The following ANK2 variants were observed in gnomAD, a reference collection of about 807,000 sequenced individuals.
ANK2 encodes ankyrin-2.
Under a neutral mutation model 360.5 loss-of-function variants are expected in ANK2, and 83 were observed. That is an observed-to-expected ratio of 0.23 (90% CI 0.19 to 0.28). The LOEUF (loss-of-function observed/expected upper bound fraction) is 0.28, where lower values mean the gene tolerates loss of function less well. Among genes scored for constraint, ANK2 ranks in the 10% least tolerant of loss-of-function variants. ANK2 has a pLI of 1.00. For synonymous variants in ANK2, 1,740 were observed against 1,759.5 expected (o/e 0.99, Z 0.28); for missense variants, 4,201 against 4,795.7 (o/e 0.88, Z 3.66).
rs2046911492 is a variant in ANK2 at position 112,991,729 on chromosome 4, G to A, written c.21+87215G>A. On this transcript the variant is annotated intron_variant, in intron 2 of 30. Coordinates refer to the ANK2 transcript ENST00000503271. Reference sequence around the variant, plus strand: ...CTCAACTGAACTCCTTCCCTTCTCAGTTTACCAGAAGCAGTCAGGAAAAAT... The same window carrying A: ...CTCAACTGAACTCCTTCCCTTCTCAATTTACCAGAAGCAGTCAGGAAAAAT... Among the ~76,000 whole-genome samples the A allele has an allele frequency of 2.0e-5, 3 of 147,126 alleles. No individual in the cohort carries two copies. In the South Asian group the frequency reaches 6.5e-4, roughly 32 times the overall value.
intron 2 of ANK2, among the ~76,000 whole-genome samples, chr4:112,928,676 C>T (rs1232139757): frequency 1.3e-5 from 2 of 152,022 alleles, no homozygotes; most frequent in Admixed American, 1.3e-4. Context: ...AGGACAAAGA[C>T]ACACACATGT....
chr4:112,874,112 C>T (rs191428003), intron 1 of ANK2, among the ~76,000 whole-genome samples: 4 of 136,400 alleles, frequency 2.9e-5, no homozygotes, highest in Non-Finnish European at 4.6e-5. Context: ...GTCAGAGTCT[C>T]GCACTGTCTC....
At position 113,367,608 on chromosome 4, in the gene ANK2, A is replaced by G; in HGVS notation, c.11075A>G (p.Lys3692Arg). 1 of 1,613,878 alleles carries G rather than the reference A, an allele frequency of 6.2e-7. No homozygotes were observed. Among genetic ancestry groups the G allele is most frequent in the South Asian group, 1.1e-5 (1 of 91,066 alleles). Residue 3692 changes from lysine (K) to arginine (R), a missense_variant, in exon 42 of 46, where the codon AAG becomes AGG. Coordinates refer to ENST00000357077, the MANE Select transcript of ANK2 (RefSeq NM_001148.6). ...LQEELCTAQH[K>R]QKEEQAVSKE... Reference sequence around the variant, plus strand: ...GAGGAGTTATGCACTGCACAGCACAAGCAGAAAGAGGAGCAAGCTGTTTCT... The same window carrying G: ...GAGGAGTTATGCACTGCACAGCACAGGCAGAAAGAGGAGCAAGCTGTTTCT...
intron 1 of ANK2, among the ~76,000 whole-genome samples, chr4:112,885,111 T>A (rs886768724): frequency 3.3e-5 from 5 of 152,196 alleles, no homozygotes; most frequent in Non-Finnish European, 7.3e-5. Flanking sequence ...GGGTTTTTGG[T>A]CTCAATACTT....
At chr4:113,099,711 A>C (rs973767062) in intron 1 of ANK2, among the ~76,000 whole-genome samples, 4 of 152,028 alleles carry the variant, frequency 2.6e-5, no homozygotes, top group Admixed American at 6.6e-5. Context: ...GACTGACACT[A>C]CCCAACTTAA....
At chr4:112,759,580 C>T in the ANK2 span, among the ~76,000 whole-genome samples, 142 of 152,232 alleles carry the variant, frequency 9.3e-4, no homozygotes, top group Non-Finnish European at 1.6e-3. Flanking sequence ...TGGTAAATTC[C>T]ATCTCAATAG....
At position 112,983,378 on chromosome 4, in the gene ANK2, TA is replaced by T. The variant is rs55756054; in HGVS notation, c.21+78878del. Among the ~76,000 whole-genome samples, 582 of 143,070 alleles carry T rather than the reference TA, an allele frequency of 4.1e-3. 1 individual carries two copies. Among genetic ancestry groups the T allele is most frequent in the Admixed American group, 3.7e-3 (53 of 14,234 alleles). 93.9% of individuals were successfully genotyped at this position (143,070 alleles called of 152,430 possible). ...GTATAGACTTCTAACATTATTGGGT[TA>T]AAAAAAAAAAAAAGAGGCCGGGCGC... is the stretch of plus-strand genomic sequence containing the variant. On this transcript the variant is annotated intron_variant, in intron 2 of 30. Transcript: ENST00000503271.
In ANK2 at chr4:113,367,810, C is replaced by A. The variant is rs747372236; in HGVS notation, c.11277C>A (p.Asp3759Glu). Residue 3759 changes from aspartate to glutamate, a missense_variant, in exon 42 of 46, where the codon GAC (aspartate) becomes GAA (glutamate). By Grantham distance (45) the Asp-to-Glu change is conservative (BLOSUM62 2). Transcript: ENST00000357077. ...VQQDFSGKMQ[D>E]LPEESSLEYQ... ...AGGATTTCTCAGGGAAAATGCAAGA[C>A]CTGCCTGAAGAGTCATCTCTGGAAT... is the stretch of plus-strand genomic sequence containing the variant. The A allele has an allele frequency of 1.2e-6, 2 of 1,614,088 alleles. No individual in the cohort carries two copies. The highest frequency in any genetic ancestry group is 1.7e-6 in the Non-Finnish European group (2 of 1,179,984).
intron 1 of ANK2, among the ~76,000 whole-genome samples, chr4:112,878,675 C>A (rs1302284740): frequency 2.0e-5 from 3 of 152,054 alleles, no homozygotes; most frequent in African/African-American, 7.3e-5. Context: ...GCTCTGTCGC[C>A]TAGGCTGGAG....
chr4:112,791,380 AG>A, the ANK2 span, among the ~76,000 whole-genome samples: 1 of 152,184 alleles, frequency 6.6e-6, no homozygotes, highest in Non-Finnish European at 1.5e-5. Context: ...ATTCGTAAAA[AG>A]GTTTCACCTT....
chr4:112,930,211 G>A (rs2093039490), intron 2 of ANK2, among the ~76,000 whole-genome samples: 1 of 151,994 alleles, frequency 6.6e-6, no homozygotes, highest in African/African-American at 2.4e-5. Context: ...TTTGGGGGCT[G>A]AGGCGGGCAG....
intron 24 of ANK2, 191 bp from the exon 25 acceptor site, chr4:113,317,516 G>A: frequency 1.6e-6 from 1 of 640,240 alleles, no homozygotes; most frequent in Non-Finnish European, 2.9e-6. Context: ...TGAGCGGTAG[G>A]AACCTGTCAA....
At chr4:112,977,923 C>A (rs1445298551) in intron 2 of ANK2, among the ~76,000 whole-genome samples, 1 of 152,070 alleles carries the variant, frequency 6.6e-6, no homozygotes, top group African/African-American at 2.4e-5. Flanking sequence ...AAATAAGATT[C>A]AGGCAAAAAA....
chr4:113,233,820 T>C (rs2153542496), intron 5 of ANK2, among the ~76,000 whole-genome samples: 1 of 152,328 alleles, frequency 6.6e-6, no homozygotes, highest in East Asian at 1.9e-4. Context: ...TTTTGAGTTC[T>C]CTATTCAATA....
intron 2 of ANK2, among the ~76,000 whole-genome samples, chr4:112,935,141 G>GTT: frequency 6.6e-6 from 1 of 152,238 alleles, no homozygotes; most frequent in East Asian, 1.9e-4. Context: ...GTGTGTGTGT[G>GTT]TGTGTAGGGT....
rs754354916 is a variant in ANK2 at position 113,359,071 on chromosome 4, G to A, written c.10453G>A (p.Ala3485Thr). 18 of 1,613,978 alleles carry A rather than the reference G, an allele frequency of 1.1e-5. No individual in the cohort carries two copies. In the African/African-American group the frequency reaches 2.3e-4, roughly 20 times the overall value. The part of the protein sequence containing the change: ...IEFFEEISDE[A>T]SKLVDRLTQS... The stretch of plus-strand genomic sequence containing the variant: ...ATTCTTTGAGGAGATTAGTGATGAG[G>A]CTTCCAAATTAGTGGATAGGCTGAC... Residue 3485 changes from alanine to threonine, a missense_variant, in exon 38 of 46, where the codon GCT (alanine) becomes ACT (threonine). Coordinates refer to ENST00000357077, the MANE Select transcript of ANK2 (RefSeq NM_001148.6).
chr4:113,359,727 C>A (rs562830355), intron 38 of ANK2, among the ~76,000 whole-genome samples: 6 of 152,242 alleles, frequency 3.9e-5, no homozygotes, highest in Non-Finnish European at 8.8e-5. Context: ...ATAATTTGTA[C>A]TTACAATTTT....
intron 14 of ANK2, 151 bp downstream of exon 14, chr4:113,265,146 G>A: frequency 1.3e-6 from 1 of 797,704 alleles, no homozygotes; most frequent in South Asian, 1.6e-5. Flanking sequence ...AAAAAAAAAA[G>A]AAACATTATT....
intron 1 of ANK2, among the ~76,000 whole-genome samples, chr4:113,155,798 G>A (rs2097265957): frequency 6.6e-6 from 1 of 151,960 alleles, no homozygotes; most frequent in Non-Finnish European, 1.5e-5. Context: ...ACTCTAAAAG[G>A]ACAAAAAGTG....
Sources: gnomAD v4.1 joint callset for allele counts (sites outside exome capture counted in the v4.1 genomes callset) on GRCh38, gnomAD v4.1.1 for gene constraint, MANE v1.5 for transcripts, NCBI Gene and HGNC (gene_info 2026-07-23, HGNC 2026-07-21) for gene names.